The following TMEM240 variants were observed in gnomAD, a reference collection of about 807,000 sequenced individuals.
TMEM240 encodes the protein transmembrane protein 240.
A neutral mutation model predicts 19.5 loss-of-function variants in TMEM240; 3 were observed. That is an observed-to-expected ratio of 0.15 (90% CI 0.07 to 0.40). The LOEUF is 0.40. Among genes scored for constraint, TMEM240 ranks in the 10% least tolerant of loss-of-function variants. The probability of loss-of-function intolerance (pLI) is 1.00; values close to 1 mark genes in which losing one functional copy is unlikely to be tolerated. For synonymous variants in TMEM240, 123 were observed against 109.3 expected, an observed-to-expected ratio of 1.13 and a Z score of -0.78; for missense variants, 210 against 253.5, an observed-to-expected ratio of 0.83 and a Z score of 1.17.
At chr1:1,539,585 G>T in intron 2 of TMEM240, 99 bp downstream of exon 2, 1 of 1,078,126 alleles carries the variant, frequency 9.3e-7, no homozygotes, top group Non-Finnish European at 1.4e-6. Flanking sequence ...GTGGAAGGCG[G>T]CTCGCGGCCT....
At position 1,534,853 on chromosome 1, in the gene TMEM240, C is replaced by A. The variant is rs897729257; in HGVS notation, c.*506G>T. On this transcript the variant is annotated 3_prime_UTR_variant, in exon 4 of 4. Coordinates refer to ENST00000378733, the MANE Select transcript of TMEM240 (RefSeq NM_001114748.2). Reference sequence around the variant, plus strand: ...GTGCCCGCCACTGCGGGGCCAGGGGCCTGAATGCTGCCTGGGCCCAGCCAC... The same window carrying A: ...GTGCCCGCCACTGCGGGGCCAGGGGACTGAATGCTGCCTGGGCCCAGCCAC... 6.6e-6 allele frequency among the ~76,000 whole-genome samples: 1 copy of A among 152,112 alleles called. No individual in the cohort carries two copies. Among genetic ancestry groups the A allele is most frequent in the African/African-American group, 2.4e-5 (1 of 41,394 alleles).
At chr1:1,537,287 G>A (rs558072876) in intron 2 of TMEM240, among the ~76,000 whole-genome samples, 84 of 152,066 alleles carry the variant, frequency 5.5e-4, no homozygotes, top group African/African-American at 1.7e-3. Flanking sequence ...GACCATGACC[G>A]TGGCTGATTC....
At chr1:1,537,108 CAGTG>C (rs1237237902) in intron 2 of TMEM240, among the ~76,000 whole-genome samples, 2 of 152,086 alleles carry the variant, frequency 1.3e-5, no homozygotes, top group East Asian at 3.9e-4. Flanking sequence ...TGCCTTCCCT[CAGTG>C]AGATCTGGGG....
chr1:1,537,970 C>T (rs1272365746), intron 2 of TMEM240, among the ~76,000 whole-genome samples: 1 of 152,204 alleles, frequency 6.6e-6, no homozygotes, highest in African/African-American at 2.4e-5. Context: ...ACGTATGAGG[C>T]CTACACATGT....
In TMEM240 at chr1:1,535,543, C is replaced by T. The variant is rs770244919; in HGVS notation, c.374-36G>A. ...ACAGGGGCGGTCAGGCGGCTGGGGC[C>T]GGCCAGGGCGGCAGCACTCCCGGGC... is the stretch of plus-strand genomic sequence containing the variant. On this transcript the variant is annotated intron_variant, in intron 3 of 3. Transcript: ENST00000378733. The surrounding 1 kb of genome is among the most constrained non-coding windows in gnomAD (Gnocchi z 8.2). 4.9e-5 allele frequency: 75 copies of T among 1,537,974 alleles called. No homozygotes were observed. Among genetic ancestry groups the T allele is most frequent in the Middle Eastern group, 1.7e-4 (1 of 5,936 alleles).
chr1:1,539,944 G>C (rs1471062804), intron 1 of TMEM240, among the ~76,000 whole-genome samples, 154 bp from the exon 2 acceptor site: 1 of 129,178 alleles, frequency 7.7e-6, no homozygotes, highest in East Asian at 2.3e-4. Context: ...GGGGAGCGCA[G>C]CGGGTATGGG....
Position 1,535,511 on chromosome 1 carries a change from C to CGG in TMEM240, c.374-6_374-5dup. On this transcript the variant is annotated splice_region_variant and splice_polypyrimidine_tract_variant and intron_variant, in intron 3 of 3. Transcript: ENST00000378733. This position sits in a 1 kb window ranked among gnomAD's most constrained non-coding sequence, Gnocchi z 8.2. ...GGCAGCCAGGTCCACGAGCCATCTG[C>CGG]GGGGGGACAGGGGCGGTCAGGCGGC... The CGG allele has an allele frequency of 6.5e-7, 1 of 1,544,540 alleles. No individual in the cohort carries two copies. Among genetic ancestry groups the CGG allele is most frequent in the Non-Finnish European group, 8.7e-7 (1 of 1,143,854 alleles).
chr1:1,540,453 T>A lies in TMEM240; in HGVS notation c.-107A>T. On this transcript the variant is annotated 5_prime_UTR_variant, in exon 1 of 4. Transcript: ENST00000378733. The stretch of plus-strand genomic sequence containing the variant: ...GCCTCCGCAGAGGTCAGCGCTTCCC[T>A]GGATCGTCCGCCGCCGCTCGCTGCA... 3.9e-6 allele frequency: 1 copy of A among 253,342 alleles called. No individual in the cohort carries two copies. Among genetic ancestry groups the A allele is most frequent in the African/African-American group, 2.7e-5 (1 of 37,430 alleles). The allele number at this position is 253,342 out of a possible 1,614,324, so 15.7% of individuals were successfully genotyped here. A position where few individuals can be genotyped will look rare whatever the true frequency, so the allele number is the denominator to read the frequency against.
chr1:1,535,861 G>T lies in TMEM240; in HGVS notation c.165-64C>A. 1.4e-6 allele frequency: 2 copies of T among 1,398,736 alleles called. No homozygotes were observed. The highest frequency in any genetic ancestry group is 1.9e-6 in the Non-Finnish European group (2 of 1,025,860). The allele number at this position is 1,398,736 out of a possible 1,614,324, so 86.6% of individuals were successfully genotyped here. A position where few individuals can be genotyped will look rare whatever the true frequency, so the allele number is the denominator to read the frequency against. Reference sequence around the variant, plus strand: ...CCCCGGCCTGGCCTTCCCCCGGGGCGCCTACCCCGTGGTGGGGGTGTGACC... The same window carrying T: ...CCCCGGCCTGGCCTTCCCCCGGGGCTCCTACCCCGTGGTGGGGGTGTGACC... On this transcript the variant is annotated intron_variant, in intron 2 of 3. Transcript: ENST00000378733. The surrounding 1 kb of genome is among the most constrained non-coding windows in gnomAD (Gnocchi z 8.2).
rs369058609 is a variant in TMEM240, at chr1:1,534,983, A to G, written c.*376T>C. On this transcript the variant is annotated 3_prime_UTR_variant, in exon 4 of 4. Coordinates refer to ENST00000378733, the MANE Select transcript of TMEM240 (RefSeq NM_001114748.2). The stretch of plus-strand genomic sequence containing the variant: ...ACAGACGGTGGACGCAGCGCACGGG[A>G]AACAGCGCCTTCAAACAGATGCTGG... Among the ~76,000 whole-genome samples the G allele has an allele frequency of 4.2e-3, 590 of 138,976 alleles. 3 individuals carry two copies. The highest frequency in any genetic ancestry group is 0.024 in the East Asian group (99 of 4,104). 91.2% of individuals were successfully genotyped at this position (138,976 alleles called of 152,430 possible).
rs1051171625 is a variant in TMEM240 at position 1,536,715 on chromosome 1, A to G, written c.165-918T>C. Among the ~76,000 whole-genome samples the G allele has an allele frequency of 1.3e-5, 2 of 152,046 alleles. No homozygotes were observed. Among genetic ancestry groups the G allele is most frequent in the South Asian group, 4.1e-4 (2 of 4,820 alleles). On this transcript the variant is annotated intron_variant, in intron 2 of 3. Transcript: ENST00000378733. The surrounding 1 kb of genome is among the most constrained non-coding windows in gnomAD (Gnocchi z 5.4). The stretch of plus-strand genomic sequence containing the variant: ...TCTGCCGATCGGACTGGCATCCCAG[A>G]CAGTCAACTCTGGGATCCCTAGTCC...
chr1:1,535,324 G>A lies in TMEM240; in HGVS notation c.*35C>T. ...CCCTTTTACATCTGTACAGCAGCCG[G>A]TTGGCTCGGTGGCCCCGGTAAGTCC... On this transcript the variant is annotated 3_prime_UTR_variant, in exon 4 of 4. Coordinates refer to ENST00000378733, the MANE Select transcript of TMEM240 (RefSeq NM_001114748.2). The surrounding 1 kb of genome is among the most constrained non-coding windows in gnomAD (Gnocchi z 8.2). 4 of 1,545,456 alleles carry A rather than the reference G, an allele frequency of 2.6e-6. No individual in the cohort carries two copies. Among genetic ancestry groups the A allele is most frequent in the Non-Finnish European group, 3.5e-6 (4 of 1,144,626 alleles).
chr1:1,539,608 T>C, intron 2 of TMEM240, 76 bp downstream of exon 2: 1 of 1,322,282 alleles, frequency 7.6e-7, no homozygotes, highest in Non-Finnish European at 1.1e-6. Flanking sequence ...GTGGGGCTGG[T>C]TCCCCCGCGC....
chr1:1,539,852 G>C, intron 1 of TMEM240, 62 bp from the exon 2 acceptor site: 1 of 1,433,298 alleles, frequency 7.0e-7, no homozygotes, highest in Non-Finnish European at 9.5e-7. Flanking sequence ...GGCTGGGGGT[G>C]GGGAGCGCAG....
chr1:1,534,963 C>T lies in TMEM240; in HGVS notation c.*396G>A, dbSNP rs1485040521. On this transcript the variant is annotated 3_prime_UTR_variant, in exon 4 of 4. Transcript: ENST00000378733. ...CCCAAGCTGGCTGGGGCCAGACAGACGGTGGACGCAGCGCACGGGAAACAG... is the reference window on the plus strand; with the variant it reads ...CCCAAGCTGGCTGGGGCCAGACAGATGGTGGACGCAGCGCACGGGAAACAG... 1.2e-4 allele frequency among the ~76,000 whole-genome samples: 18 copies of T among 147,362 alleles called. No individual in the cohort carries two copies. The highest frequency in any genetic ancestry group is 8.2e-4 in the East Asian group (4 of 4,882).
At position 1,535,342 on chromosome 1, in the gene TMEM240, G is replaced by C. The variant is rs1298355451; in HGVS notation, c.*17C>G. ...GCAGCCGGTTGGCTCGGTGGCCCCG[G>C]TAAGTCCCCGTGCGGCTCACAGGTG... is the stretch of plus-strand genomic sequence containing the variant. On this transcript the variant is annotated 3_prime_UTR_variant, in exon 4 of 4. Transcript: ENST00000378733. The surrounding 1 kb of genome is among the most constrained non-coding windows in gnomAD (Gnocchi z 8.2). 1 of 1,547,760 alleles carries C rather than the reference G, an allele frequency of 6.5e-7. No homozygotes were observed.
Position 1,535,925 on chromosome 1 carries a change from TGGGC to T in TMEM240, c.165-132_165-129del. On this transcript the variant is annotated intron_variant, in intron 2 of 3. Transcript: ENST00000378733. The surrounding 1 kb of genome is among the most constrained non-coding windows in gnomAD (Gnocchi z 8.2). ...CTGGGGGTTCTCTGAAGCAGCCTCT[TGGGC>T]GGGCGGGTCGGGAAGGGGGCACCAG... 5.3e-6 allele frequency: 2 copies of T among 379,116 alleles called. No individual in the cohort carries two copies. Among genetic ancestry groups the T allele is most frequent in the African/African-American group, 4.5e-5 (2 of 44,360 alleles). 23.5% of individuals were successfully genotyped at this position (379,116 alleles called of 1,614,324 possible).
intron 1 of TMEM240, 50 bp from the exon 2 acceptor site, chr1:1,539,840 G>C (rs774337022): frequency 6.7e-7 from 1 of 1,500,672 alleles, no homozygotes; most frequent in South Asian, 1.2e-5. Flanking sequence ...GGGACGAAGC[G>C]GGGCTGGGGG....
rs990361028 is a variant in TMEM240, at chr1:1,536,491, G to A, written c.165-694C>T. Reference sequence around the variant, plus strand: ...CCCCGCTCCTCTCAGGATGGACGGCGTCCAGGCTCCAGGGCCCTTTCGTCC... The same window carrying A: ...CCCCGCTCCTCTCAGGATGGACGGCATCCAGGCTCCAGGGCCCTTTCGTCC... On this transcript the variant is annotated intron_variant, in intron 2 of 3. Transcript: ENST00000378733. The surrounding 1 kb of genome is among the most constrained non-coding windows in gnomAD (Gnocchi z 5.4). Among the ~76,000 whole-genome samples, 3 of 152,176 alleles carry A rather than the reference G, an allele frequency of 2.0e-5. No individual in the cohort carries two copies. Among genetic ancestry groups the A allele is most frequent in the Non-Finnish European group, 2.9e-5 (2 of 68,018 alleles).
Sources: gnomAD v4.1 joint callset for allele counts (sites outside exome capture counted in the v4.1 genomes callset) on GRCh38, gnomAD v4.1.1 for gene constraint, Gnocchi (gnomAD v3.1) non-coding constraint, MANE v1.5 for transcripts, NCBI Gene and HGNC (gene_info 2026-07-23, HGNC 2026-07-21) for gene names.